USH2A: variants seen among roughly 807,000 people sequenced by gnomAD.
USH2A encodes the protein Usher syndrome 2A (autosomal recessive, mild).
In USH2A, 443 loss-of-function variants were observed where a neutral mutation model predicts 538.9. The ratio of observed to expected loss-of-function variants is 0.82; its 90% CI spans 0.76 to 0.89. USH2A has a LOEUF of 0.89. Ranked by LOEUF, USH2A falls within the 40% of genes least tolerant of loss-of-function variation. The pLI is 0.00. For synonymous variants in USH2A, 2,413 were observed against 2,273.5 expected, an observed-to-expected ratio of 1.06 and a Z score of -1.75; for missense variants, 6,633 against 6,324.8, an observed-to-expected ratio of 1.05 and a Z score of -1.65.
At chr1:216,364,845 C>T in intron 4 of USH2A, 108 bp downstream of exon 4, 1 of 1,409,628 alleles carries the variant, frequency 7.1e-7, no homozygotes, top group Non-Finnish European at 9.8e-7. Flanking sequence ...GTTCAGTAGC[C>T]CTAGAAGATG....
intron 9 of USH2A, among the ~76,000 whole-genome samples, chr1:216,296,682 G>A (rs1355886508): frequency 6.6e-6 from 1 of 151,936 alleles, no homozygotes. Context: ...GTGATGATTT[G>A]CAATAAAAAC....
At chr1:216,149,002 C>T (rs1192046863) in intron 21 of USH2A, among the ~76,000 whole-genome samples, 17 of 152,152 alleles carry the variant, frequency 1.1e-4, no homozygotes, top group Admixed American at 7.2e-4. Flanking sequence ...TAAAAACACA[C>T]GTGCTCTCCC....
rs1053838296 is a variant in USH2A at position 215,850,066 on chromosome 1, T to C, written c.8846-4033A>G. 2.6e-5 allele frequency among the ~76,000 whole-genome samples: 4 copies of C among 152,046 alleles called. No homozygotes were observed. In the South Asian group the frequency reaches 6.2e-4, roughly 24 times the overall value. On this transcript the variant is annotated intron_variant, in intron 44 of 71. Transcript: ENST00000307340. The stretch of plus-strand genomic sequence containing the variant: ...ATTAATCAAGATCCAGAACTCAAGA[T>C]TGGGAAAGTTTAAGAATTGCTGATA...
chr1:215,720,506 A>G (rs1394740765), intron 61 of USH2A, among the ~76,000 whole-genome samples: 3 of 152,244 alleles, frequency 2.0e-5, no homozygotes, highest in Non-Finnish European at 4.4e-5. Flanking sequence ...GTCTTAGTCA[A>G]TGAATTCCAA....
chr1:216,190,086 G>A, intron 20 of USH2A, 137 bp downstream of exon 20: 1 of 1,257,602 alleles, frequency 8.0e-7, no homozygotes, highest in Non-Finnish European at 1.1e-6. Flanking sequence ...GTTTAAAACT[G>A]TTGAGGTAAG....
At chr1:216,093,994 T>C (rs1385340472) in intron 22 of USH2A, among the ~76,000 whole-genome samples, 1 of 152,172 alleles carries the variant, frequency 6.6e-6, no homozygotes, top group Non-Finnish European at 1.5e-5. Flanking sequence ...AAGAATGAAA[T>C]GAGATCATTA....
chr1:216,323,446 T>C (rs2037657796), intron 8 of USH2A, 28 bp downstream of exon 8: 1 of 1,610,482 alleles, frequency 6.2e-7, no homozygotes, highest in African/African-American at 1.3e-5. Context: ...GACAAAAACC[T>C]TGTTGAAAAC....
rs764948770 is a variant in USH2A at position 215,685,221 on chromosome 1, C to T, written c.12067-4845G>A. Among the ~76,000 whole-genome samples, 12 of 151,972 alleles carry T rather than the reference C, an allele frequency of 7.9e-5. No individual in the cohort carries two copies. The South Asian group carries it at 8.3e-4, about 11-fold the overall frequency. ...TTTTTGAAAGCCAGATAATTTGAGG[C>T]GTGGATTCTGCAGGACGATTTTTCC... On this transcript the variant is annotated intron_variant, in intron 61 of 71. Coordinates refer to ENST00000307340, the MANE Select transcript of USH2A (RefSeq NM_206933.4).
chr1:216,099,744 A>G (rs2032532175), intron 21 of USH2A, among the ~76,000 whole-genome samples: 1 of 152,202 alleles, frequency 6.6e-6, no homozygotes, highest in African/African-American at 2.4e-5. Flanking sequence ...CTTTTCACCA[A>G]TTATTGAGGA....
chr1:215,964,209 C>T (rs750076133), intron 37 of USH2A, among the ~76,000 whole-genome samples: 14 of 152,064 alleles, frequency 9.2e-5, no homozygotes, highest in Non-Finnish European at 2.1e-4. Context: ...GTCATGGGTC[C>T]GGCCTAAATG....
intron 24 of USH2A, chr1:216,085,172 T>A: frequency 2.9e-6 from 1 of 344,040 alleles, no homozygotes; most frequent in Non-Finnish European, 5.4e-6. Context: ...AAAATTCATC[T>A]GCCACTAGCC....
At position 216,057,691 on chromosome 1, in the gene USH2A, TA is replaced by T. The variant is rs111468272; in HGVS notation, c.6050-9045del. ...AACAGAGCAAGATTCCATCTCAAAT[TA>T]AAAAAAAAAGTTCGTAATAAACTAC... On this transcript the variant is annotated intron_variant, in intron 30 of 71. Transcript: ENST00000307340. Among the ~76,000 whole-genome samples, 226 of 148,412 alleles carry T rather than the reference TA, an allele frequency of 1.5e-3. 3 individuals carry two copies. The highest frequency in any genetic ancestry group is 6.9e-3 in the East Asian group (35 of 5,084).
chr1:216,415,818 G>A (rs539191220), intron 3 of USH2A, among the ~76,000 whole-genome samples: 10 of 152,016 alleles, frequency 6.6e-5, no homozygotes, highest in Middle Eastern at 3.4e-3. Flanking sequence ...GAACCACTGC[G>A]CCTGGCCTCC....
At chr1:216,120,379 G>GTATT (rs1242470970) in intron 21 of USH2A, among the ~76,000 whole-genome samples, 3 of 150,560 alleles carry the variant, frequency 2.0e-5, no homozygotes, top group Admixed American at 6.6e-5. Context: ...TATTATTTAT[G>GTATT]TATTTATTTA....
intron 6 of USH2A, 78 bp from the exon 7 acceptor site, chr1:216,324,430 G>T: frequency 3.0e-6 from 4 of 1,315,208 alleles, no homozygotes; most frequent in South Asian, 1.3e-5. Context: ...GGAATTATTA[G>T]ATTCAAATAT....
intron 60 of USH2A, among the ~76,000 whole-genome samples, chr1:215,735,782 T>G (rs1660139710): frequency 6.6e-6 from 1 of 152,168 alleles, no homozygotes; most frequent in Non-Finnish European, 1.5e-5. Flanking sequence ...GCTGCTACTT[T>G]TATAACCATG....
intron 9 of USH2A, among the ~76,000 whole-genome samples, chr1:216,305,587 G>GT (rs57750163): frequency 0.012 from 1,782 of 148,118 alleles, 26 homozygotes; most frequent in East Asian, 0.037. Flanking sequence ...TTTAAATTGT[G>GT]TTTTTTTTTT....
intron 46 of USH2A, among the ~76,000 whole-genome samples, chr1:215,840,629 T>C (rs1162752034): frequency 1.3e-5 from 2 of 152,168 alleles, no homozygotes; most frequent in Non-Finnish European, 2.9e-5. Context: ...TTCCATAGAA[T>C]AGGCCTTAAA....
intron 19 of USH2A, among the ~76,000 whole-genome samples, chr1:216,194,733 A>G (rs549822090): frequency 2.6e-5 from 4 of 152,234 alleles, no homozygotes; most frequent in African/African-American, 9.6e-5. Context: ...AAGGAAACAA[A>G]ATGTCTAGTT....
Sources: allele counts gnomAD v4.1 joint callset (sites outside exome capture counted in the v4.1 genomes callset), GRCh38; gene constraint gnomAD v4.1.1; transcripts MANE v1.5; gene names NCBI Gene and HGNC (gene_info 2026-07-23, HGNC 2026-07-21).